CERS3: variants seen among roughly 807,000 people sequenced by gnomAD.
The protein encoded by CERS3 is ceramide synthase 3.
In CERS3, 33 loss-of-function variants were observed where a neutral mutation model predicts 50.3. That is an observed-to-expected ratio of 0.66 (90% confidence interval 0.50 to 0.88). The LOEUF (loss-of-function observed/expected upper bound fraction) is 0.88, where lower values mean the gene tolerates loss of function less well. CERS3 is among the 40% of genes least tolerant of loss of function. The pLI, the probability that CERS3 is intolerant of heterozygous loss-of-function variation, is 0.00. For synonymous variants in CERS3, 176 were observed against 155.2 expected (o/e 1.13, Z -0.99); for missense variants, 470 against 460.3 (o/e 1.02, Z -0.19).
At chr15:100,540,815 G>C (rs948384423) in intron 1 of CERS3, among the ~76,000 whole-genome samples, 1 of 152,164 alleles carries the variant, frequency 6.6e-6, no homozygotes, top group African/African-American at 2.4e-5. Flanking sequence ...AAATGTATTA[G>C]TTAAGAGTGG....
At chr15:100,478,410 C>T (rs2035200833) in intron 7 of CERS3, among the ~76,000 whole-genome samples, 1 of 152,034 alleles carries the variant, frequency 6.6e-6, no homozygotes. Context: ...TAGTAGACAC[C>T]TTGGTAGACA....
At chr15:100,475,482 A>C (rs2035098105) in intron 8 of CERS3, among the ~76,000 whole-genome samples, 1 of 152,220 alleles carries the variant, frequency 6.6e-6, no homozygotes, top group African/African-American at 2.4e-5. Flanking sequence ...AAATCTTATG[A>C]TTGCATTCAG....
intron 11 of CERS3, among the ~76,000 whole-genome samples, chr15:100,415,041 C>G (rs140360272): frequency 1.3e-5 from 2 of 152,026 alleles, no homozygotes; most frequent in Admixed American, 6.5e-5. Context: ...ACCCATCTGG[C>G]AAAGGGCTAA....
At chr15:100,406,521 T>A (rs2142046394) in intron 11 of CERS3, among the ~76,000 whole-genome samples, 1 of 152,316 alleles carries the variant, frequency 6.6e-6, no homozygotes, top group Non-Finnish European at 1.5e-5. Flanking sequence ...CATCTCTGTA[T>A]GTTCGGTGCT....
chr15:100,449,887 T>C (rs1017160878), intron 11 of CERS3, among the ~76,000 whole-genome samples: 1 of 151,950 alleles, frequency 6.6e-6, no homozygotes. Flanking sequence ...AGCAACAGGT[T>C]CCAATAAAAA....
intron 6 of CERS3, 22 bp from the exon 7 acceptor site, chr15:100,479,500 G>A (rs1476100579): frequency 1.2e-5 from 18 of 1,540,624 alleles, no homozygotes; most frequent in Non-Finnish European, 1.5e-5. Context: ...AAAAAAAAAA[G>A]AGCCAACAGA....
At chr15:100,479,149 A>C (rs1296393597) in intron 7 of CERS3, among the ~76,000 whole-genome samples, 1 of 152,156 alleles carries the variant, frequency 6.6e-6, no homozygotes, top group Non-Finnish European at 1.5e-5. Flanking sequence ...TAGAAAAGCA[A>C]GAAGGGAGTA....
chr15:100,509,016 C>T (rs954748412), intron 2 of CERS3, among the ~76,000 whole-genome samples: 8 of 152,138 alleles, frequency 5.3e-5, no homozygotes, highest in Admixed American at 1.3e-4. Context: ...GCAATAGTAA[C>T]GGATGAGGCA....
intron 3 of CERS3, among the ~76,000 whole-genome samples, chr15:100,496,367 G>A (rs2035815099): frequency 6.6e-6 from 1 of 151,946 alleles, no homozygotes. Flanking sequence ...AGGAACCACT[G>A]ATATACATAA....
At chr15:100,518,062 A>G (rs551967711) in intron 2 of CERS3, among the ~76,000 whole-genome samples, 12 of 152,346 alleles carry the variant, frequency 7.9e-5, no homozygotes, top group Middle Eastern at 3.4e-3. Flanking sequence ...GTCAGTGATC[A>G]CCAGCCCTTG....
intron 2 of CERS3, among the ~76,000 whole-genome samples, chr15:100,511,698 CTGGGAGCCTGATTTCCATTAATGT>C (rs2142361061): frequency 7.4e-5 from 1 of 13,484 alleles, no homozygotes; most frequent in African/African-American, 1.5e-4. Flanking sequence ...CGTAAGTCCA[CTGGGAGCCTGATTTCCATTAATGT>C]TCTGTTACAT....
At chr15:100,478,629 T>C (rs747667076) in intron 7 of CERS3, among the ~76,000 whole-genome samples, 1 of 151,624 alleles carries the variant, frequency 6.6e-6, no homozygotes, top group Non-Finnish European at 1.5e-5. Context: ...CTTTTAGAAC[T>C]GATGAGATCT....
Position 100,501,784 on chromosome 15 carries a change from C to T in CERS3, c.66G>A (p.Trp22Ter). 2 of 1,614,064 alleles carry T rather than the reference C, an allele frequency of 1.2e-6. No homozygotes were observed. ...ERFWLPPTIKWSDLEDHDGLV... is the reference protein window; with the variant it reads ...ERFWLPPTIK ...GTCCATCGTGATCCTCAAGATCTGA[C>T]CACTTTATTGTTGGAGGAAGCCAGA... The change falls in exon 3 of 12, where the codon TGG becomes TGA. Residue 22 changes from tryptophan (W) to a stop codon, truncating the protein, a stop_gained. Coordinates refer to ENST00000679737, the MANE Select transcript of CERS3 (RefSeq NM_001378789.1). LOFTEE classifies it high-confidence loss of function.
chr15:100,450,049 A>G (rs759715771), intron 11 of CERS3, among the ~76,000 whole-genome samples: 1 of 151,758 alleles, frequency 6.6e-6, no homozygotes, highest in African/African-American at 2.4e-5. Context: ...GAGATCGTAA[A>G]AAAAAGAACC....
At position 100,402,763 on chromosome 15, in the gene CERS3, C is replaced by T. The variant is rs137899535; in HGVS notation, c.1102G>A (p.Gly368Ser). The change falls in exon 12 of 12, where the codon GGC (glycine) becomes AGC (serine). Residue 368 changes from glycine (G) to serine (S), a missense_variant. Physicochemically the swap from Gly to Ser is moderately conservative, Grantham distance 56. Coordinates refer to ENST00000679737, the MANE Select transcript of CERS3 (RefSeq NM_001378789.1). ...KGKEMDCLKN[G>S]LRAERHLIPN... ...ATGAGGTGCCTCTCAGCCCTGAGGC[C>T]GTTCTTTAAACAATCCATCTCTTTG... is the stretch of plus-strand genomic sequence containing the variant. The T allele has an allele frequency of 3.5e-4, 566 of 1,614,048 alleles. 2 individuals carry two copies. The highest frequency in any genetic ancestry group is 3.9e-4 in the Non-Finnish European group (458 of 1,180,022).
At chr15:100,432,259 A>G (rs1031247881) in intron 11 of CERS3, among the ~76,000 whole-genome samples, 1 of 152,198 alleles carries the variant, frequency 6.6e-6, no homozygotes, top group Non-Finnish European at 1.5e-5. Context: ...ACAACAGGTC[A>G]TCAAAAATAT....
At chr15:100,410,615 C>T (rs913550873) in intron 11 of CERS3, among the ~76,000 whole-genome samples, 8 of 152,294 alleles carry the variant, frequency 5.3e-5, no homozygotes, top group South Asian at 2.1e-4. Context: ...AAGCGATAGA[C>T]GCACTTCCAA....
rs2030431828 is a variant in CERS3 at position 100,400,410 on chromosome 15, G to A, written c.*2303C>T. ...AATCACCAGGTACACTGGACTTTTG[G>A]CTTTATTGTAGTCATTACTGTTACA... On this transcript the variant is annotated 3_prime_UTR_variant, in exon 12 of 12. Coordinates refer to ENST00000679737, the MANE Select transcript of CERS3 (RefSeq NM_001378789.1). 1 of 152,166 alleles carries A rather than the reference G, an allele frequency of 6.6e-6. No homozygotes were observed. The highest frequency in any genetic ancestry group is 2.4e-5 in the African/African-American group (1 of 41,420). 9.4% of individuals were successfully genotyped at this position (152,166 alleles called of 1,614,324 possible).
rs1426656030 is a variant in CERS3 at position 100,528,923 on chromosome 15, A to C, written c.-202T>G. ...TTCTCCTCAGAGAGCAGCACAACTC[A>C]TCTCTGTGTAAGACCTGAAATTCCT... is the stretch of plus-strand genomic sequence containing the variant. On this transcript the variant is annotated 5_prime_UTR_variant, in exon 1 of 12. The change abolishes an upstream ATG in the 5' untranslated region. Transcript: ENST00000679737. The C allele has an allele frequency of 6.6e-6, 1 of 152,140 alleles. No homozygotes were observed. Among genetic ancestry groups the C allele is most frequent in the East Asian group, 1.9e-4 (1 of 5,194 alleles). The allele number at this position is 152,140 out of a possible 1,614,324, so 9.4% of individuals were successfully genotyped here.
Sources: allele counts gnomAD v4.1 joint callset (sites outside exome capture counted in the v4.1 genomes callset), GRCh38; gene constraint gnomAD v4.1.1; transcripts MANE v1.5; gene names NCBI Gene and HGNC (gene_info 2026-07-23, HGNC 2026-07-21).